NOTCH2: variants seen among roughly 807,000 people sequenced by gnomAD.
The protein encoded by NOTCH2 is neurogenic locus notch homolog protein 2.
Under a neutral mutation model 235.8 loss-of-function variants are expected in NOTCH2, and 29 were observed. That is an observed-to-expected ratio of 0.12 (90% confidence interval 0.09 to 0.17). NOTCH2 has a LOEUF of 0.17. NOTCH2 is among the 10% of genes least tolerant of loss of function. The pLI, the probability that NOTCH2 is intolerant of heterozygous loss-of-function variation, is 1.00. For missense variants in NOTCH2, 2,285 were observed against 3,150.2 expected, an observed-to-expected ratio of 0.73 and a Z score of 6.57; for synonymous variants, 1,086 against 1,141.5, an observed-to-expected ratio of 0.95 and a Z score of 0.98.
Position 119,937,398 on chromosome 1 carries a change from G to C in NOTCH2, c.3406C>G (p.Gln1136Glu), listed in dbSNP as rs1553195867. The C allele has an allele frequency of 8.1e-6, 13 of 1,614,034 alleles. 1 individual carries two copies. The Admixed American group carries it at 2.2e-4, about 27-fold the overall frequency. ...CTCCCAGTATAGCCCAGGGGGCACTGACAGTAATGCGTGTTGCCAGCATTG... is the reference window on the plus strand; with the variant it reads ...CTCCCAGTATAGCCCAGGGGGCACTCACAGTAATGCGTGTTGCCAGCATTG... ...CINAGNTHYC[Q>E]CPLGYTGSYC... is the part of the protein sequence containing the mutation. The change falls in exon 21 of 34, where the codon CAG becomes GAG. Residue 1136 changes from glutamine (Q) to glutamate (E), a missense_variant. By Grantham distance (29) the Gln-to-Glu change is conservative (BLOSUM62 2). Transcript: ENST00000256646.
chr1:120,057,147 G>A (rs1655153105), intron 1 of NOTCH2, among the ~76,000 whole-genome samples: 1 of 142,278 alleles, frequency 7.0e-6, no homozygotes, highest in Non-Finnish European at 1.5e-5. Flanking sequence ...GCACCAAGAA[G>A]CCAGTCTGTA....
At chr1:119,957,983 A>T (rs1355313078) in intron 12 of NOTCH2, among the ~76,000 whole-genome samples, 3 of 152,104 alleles carry the variant, frequency 2.0e-5, no homozygotes, top group Non-Finnish European at 4.4e-5. Context: ...CACTGGTAAC[A>T]TTACTTAACA....
chr1:120,022,998 G>A (rs2462519), intron 2 of NOTCH2, among the ~76,000 whole-genome samples: 137,109 of 140,232 alleles, frequency 0.98, 67,111 homozygotes, highest in East Asian at 1. Flanking sequence ...CTCTCACATG[G>A]GGACTAAAGT....
intron 15 of NOTCH2, chr1:119,950,479 A>T: frequency 8.3e-6 from 5 of 605,656 alleles, no homozygotes; most frequent in Non-Finnish European, 1.5e-5. Context: ...ACATACAATT[A>T]AAAAAAAATT....
At chr1:119,942,301 T>C (rs1650091066) in intron 17 of NOTCH2, among the ~76,000 whole-genome samples, 1 of 152,186 alleles carries the variant, frequency 6.6e-6, no homozygotes, top group Non-Finnish European at 1.5e-5. Flanking sequence ...ATACTCATAG[T>C]AAGGAACCAA....
chr1:120,069,553 G>T lies in NOTCH2; in HGVS notation c.-147C>A, dbSNP rs1570806263. The stretch of plus-strand genomic sequence containing the variant: ...CCTGGCGCTACGCTCCGAAGCCCAG[G>T]CGCAAATGCCTCGACTCCCCGCGCC... On this transcript the variant is annotated 5_prime_UTR_variant, in exon 1 of 34. Coordinates refer to ENST00000256646, the MANE Select transcript of NOTCH2 (RefSeq NM_024408.4). 2.8e-6 allele frequency: 4 copies of T among 1,412,392 alleles called. No homozygotes were observed. In the East Asian group the frequency reaches 1.1e-4, roughly 41 times the overall value. The allele number at this position is 1,412,392 out of a possible 1,614,324, so 87.5% of individuals were successfully genotyped here.
chr1:120,000,476 G>A (rs1472011106), intron 3 of NOTCH2, among the ~76,000 whole-genome samples: 10 of 142,928 alleles, frequency 7.0e-5, no homozygotes, highest in South Asian at 4.6e-4. Flanking sequence ...GGAGCTTGCA[G>A]TGAACCGAGA....
At chr1:119,942,477 T>C (rs1553196577) in intron 17 of NOTCH2, among the ~76,000 whole-genome samples, 1 of 152,232 alleles carries the variant, frequency 6.6e-6, no homozygotes, top group Non-Finnish European at 1.5e-5. Flanking sequence ...TAAAGGGTAA[T>C]GTGACCTTTA....
At chr1:120,043,081 C>T (rs2101375768) in intron 1 of NOTCH2, among the ~76,000 whole-genome samples, 1 of 151,678 alleles carries the variant, frequency 6.6e-6, no homozygotes, top group South Asian at 2.1e-4. Context: ...GCTAATAGGG[C>T]ATCATGAAGA....
rs2453041 is a variant in NOTCH2 at position 119,986,648 on chromosome 1, G to A, written c.874+312C>T. Among the ~76,000 whole-genome samples the A allele has an allele frequency of 8.3e-3, 1,269 of 152,250 alleles. 17 individuals carry two copies. The highest frequency in any genetic ancestry group is 0.028 in the African/African-American group (1,173 of 41,538). On this transcript the variant is annotated intron_variant, in intron 5 of 33. Transcript: ENST00000256646. ...TTTATTAAGCATCTACTATGTTCCA[G>A]GTAATGTCCTGCTTTTCCCAGATAA...
rs1370598685 is a variant in NOTCH2, at chr1:119,924,918, A to G, written c.4511+387T>C. 3.3e-5 allele frequency among the ~76,000 whole-genome samples: 5 copies of G among 152,226 alleles called. 1 individual carries two copies. Among genetic ancestry groups the G allele is most frequent in the African/African-American group, 1.2e-4 (5 of 41,444 alleles). ...TAATCTAATTCATGCTTCCTGATAA[A>G]TCTAGATGGGGAAAAACAGTCTTAG... On this transcript the variant is annotated intron_variant, in intron 25 of 33. Transcript: ENST00000256646.
intron 2 of NOTCH2, among the ~76,000 whole-genome samples, chr1:120,008,835 C>T (rs1427655888): frequency 9.9e-5 from 15 of 152,142 alleles, no homozygotes; most frequent in Admixed American, 6.5e-4. Context: ...AAAATTCTTA[C>T]ACTCTTGGAG....
At chr1:119,925,234 G>A in intron 25 of NOTCH2, 71 bp downstream of exon 25, 1 of 1,597,060 alleles carries the variant, frequency 6.3e-7, no homozygotes, top group Non-Finnish European at 8.6e-7. Flanking sequence ...GGAGTGGTTA[G>A]GAGCAAGAAC....
At chr1:120,069,162 A>C in intron 1 of NOTCH2, 172 bp downstream of exon 1, 1 of 1,527,000 alleles carries the variant, frequency 6.5e-7, no homozygotes, top group Non-Finnish European at 8.8e-7. Context: ...GCGGGGCACC[A>C]CGGGAGGGGC....
intron 17 of NOTCH2, among the ~76,000 whole-genome samples, chr1:119,947,888 C>T (rs1216705186): frequency 6.6e-6 from 1 of 152,150 alleles, no homozygotes; most frequent in Non-Finnish European, 1.5e-5. Flanking sequence ...CCTCTCCTGA[C>T]TTATGCTTAT....
chr1:119,982,218 G>A (rs782318568), intron 5 of NOTCH2, among the ~76,000 whole-genome samples: 2 of 152,370 alleles, frequency 1.3e-5, no homozygotes, highest in East Asian at 3.9e-4. Flanking sequence ...GGAGAGCTGA[G>A]AGAAAGTGTG....
chr1:119,988,445 T>C (rs1439035603), intron 4 of NOTCH2, among the ~76,000 whole-genome samples: 1 of 152,138 alleles, frequency 6.6e-6, no homozygotes, highest in Non-Finnish European at 1.5e-5. Context: ...TGAAGAAGCC[T>C]GAAAAAGACT....
intron 8 of NOTCH2, 42 bp from the exon 9 acceptor site, chr1:119,966,531 AG>A: frequency 1.4e-6 from 2 of 1,406,178 alleles, no homozygotes; most frequent in Non-Finnish European, 2.0e-6. Context: ...AGAGAGAGAA[AG>A]GTGTATTCCA....
intron 3 of NOTCH2, among the ~76,000 whole-genome samples, chr1:120,002,454 A>G (rs1570735594): frequency 6.6e-6 from 1 of 151,976 alleles, no homozygotes; most frequent in South Asian, 2.1e-4. Flanking sequence ...TCAATGGGCA[A>G]CTACAACAGC....
Sources: allele counts gnomAD v4.1 joint callset (sites outside exome capture counted in the v4.1 genomes callset), GRCh38; gene constraint gnomAD v4.1.1; transcripts MANE v1.5; gene names NCBI Gene and HGNC (gene_info 2026-07-23, HGNC 2026-07-21).